MTUS2: variants seen among roughly 807,000 people sequenced by gnomAD.
The protein encoded by MTUS2 is microtubule-associated tumor suppressor candidate 2.
MTUS2 carries 40 observed loss-of-function variants against 114.1 expected under a neutral mutation model. The observed-to-expected ratio is 0.35, with a 90% CI of 0.27 to 0.46. The LOEUF (loss-of-function observed/expected upper bound fraction) is 0.46. Among genes scored for constraint, MTUS2 ranks in the 20% least tolerant of loss-of-function variants. The pLI is 1.00. For missense variants in MTUS2, 1,679 were observed against 1,705.4 expected, an observed-to-expected ratio of 0.98 and a Z score of 0.27; for synonymous variants, 688 against 672.0, an observed-to-expected ratio of 1.02 and a Z score of -0.37.
chr13:28,894,141 C>A (rs898897884), intron 2 of MTUS2, among the ~76,000 whole-genome samples: 2 of 151,454 alleles, frequency 1.3e-5, no homozygotes, highest in Admixed American at 6.6e-5. Flanking sequence ...CCCTACAATT[C>A]ATATATTGAA....
chr13:29,342,918 A>C (rs112123907), intron 7 of MTUS2, among the ~76,000 whole-genome samples: 1 of 152,046 alleles, frequency 6.6e-6, no homozygotes, highest in Non-Finnish European at 1.5e-5. Context: ...TGAGATGATC[A>C]TGTTATTTTT....
intron 5 of MTUS2, among the ~76,000 whole-genome samples, chr13:29,128,293 T>C (rs1339965178): frequency 1.3e-5 from 2 of 151,900 alleles, no homozygotes; most frequent in Non-Finnish European, 2.9e-5. Flanking sequence ...GAGGAGTGAG[T>C]TGGATTTATG....
intron 8 of MTUS2, among the ~76,000 whole-genome samples, chr13:29,362,745 T>A (rs1870372049): frequency 6.6e-6 from 1 of 152,246 alleles, no homozygotes; most frequent in Non-Finnish European, 1.5e-5. Flanking sequence ...CTTCAGTTGC[T>A]GCTATATATT....
At position 29,386,504 on chromosome 13, in the gene MTUS2, A is replaced by G. The variant is rs561402938; in HGVS notation, c.3117+27031A>G. 2.6e-5 allele frequency among the ~76,000 whole-genome samples: 4 copies of G among 152,284 alleles called. No homozygotes were observed. The East Asian group carries it at 7.7e-4, about 29-fold the overall frequency. On this transcript the variant is annotated intron_variant, in intron 8 of 15. Transcript: ENST00000612955. ...GATAACAAGGGCAGGGGCGATTCTC[A>G]CTAAAATGAGTTAGCCAGATTCTTG...
intron 5 of MTUS2, among the ~76,000 whole-genome samples, chr13:29,277,783 G>A (rs138100406): frequency 2.2e-3 from 338 of 152,196 alleles, no homozygotes; most frequent in African/African-American, 7.8e-3. Flanking sequence ...TCCTGTGAAC[G>A]GTTCACTTTC....
chr13:29,291,273 C>T (rs565162959), intron 6 of MTUS2, among the ~76,000 whole-genome samples: 53 of 152,266 alleles, frequency 3.5e-4, no homozygotes, highest in African/African-American at 1.2e-3. Context: ...CTCCAGGGCC[C>T]ACAGTGAGGG....
chr13:29,357,478 C>A (rs1399309630), intron 7 of MTUS2, among the ~76,000 whole-genome samples: 2 of 152,190 alleles, frequency 1.3e-5, no homozygotes, highest in African/African-American at 4.8e-5. Flanking sequence ...TTTATAAAAT[C>A]ACGAGCCACA....
intron 4 of MTUS2, among the ~76,000 whole-genome samples, chr13:29,067,222 A>G (rs568460315): frequency 6.6e-6 from 1 of 152,276 alleles, no homozygotes; most frequent in Non-Finnish European, 1.5e-5. Context: ...AAGCCATGGG[A>G]ATAGATGAGC....
chr13:28,994,407 A>G (rs989188454), intron 2 of MTUS2, among the ~76,000 whole-genome samples: 6 of 152,118 alleles, frequency 3.9e-5, no homozygotes, highest in Admixed American at 6.5e-5. Flanking sequence ...AATCCTTTGG[A>G]TATATACCCA....
intron 4 of MTUS2, among the ~76,000 whole-genome samples, chr13:29,057,193 T>G (rs1242379615): frequency 2.0e-5 from 3 of 152,124 alleles, no homozygotes; most frequent in African/African-American, 7.2e-5. Flanking sequence ...TTTAAAAATT[T>G]GCTGAAGATT....
rs541622415 is a variant in MTUS2 at position 29,126,882 on chromosome 13, T to C, written c.2644+25912T>C. On this transcript the variant is annotated intron_variant, in intron 5 of 15. Transcript: ENST00000612955. ...TCTCATCAGCACATGTGGTTAATGG[T>C]ACCCATATCACAGGGCGATTGTGAG... Among the ~76,000 whole-genome samples the C allele has an allele frequency of 7.2e-5, 11 of 152,340 alleles. No homozygotes were observed. The South Asian group carries it at 2.3e-3, about 32-fold the overall frequency.
At chr13:29,066,098 T>C (rs574959266) in intron 4 of MTUS2, among the ~76,000 whole-genome samples, 2 of 152,310 alleles carry the variant, frequency 1.3e-5, no homozygotes, top group East Asian at 3.9e-4. Flanking sequence ...TTCTAGAATG[T>C]ACTTCAACTC....
At chr13:28,964,378 G>C (rs142669657) in intron 2 of MTUS2, among the ~76,000 whole-genome samples, 1 of 152,126 alleles carries the variant, frequency 6.6e-6, no homozygotes, top group Non-Finnish European at 1.5e-5. Flanking sequence ...TTTATTCTGT[G>C]ATTAAGAGAA....
chr13:29,428,752 C>A (rs573263736), intron 8 of MTUS2: 2 of 1,591,782 alleles, frequency 1.3e-6, no homozygotes, highest in Admixed American at 1.7e-5. Context: ...CCCAGCGGCG[C>A]GCCCCTTTCG....
intron 8 of MTUS2, among the ~76,000 whole-genome samples, chr13:29,389,346 TGTGTGTATATATGTATGCAC>T (rs1264289675): frequency 4.5e-5 from 1 of 21,988 alleles, no homozygotes; most frequent in Non-Finnish European, 9.7e-5. Flanking sequence ...TGTATGCACG[TGTGTGTATATATGTATGCAC>T]GTGTGTGTAT....
intron 9 of MTUS2, among the ~76,000 whole-genome samples, chr13:29,460,406 A>G (rs757027763): frequency 1.3e-5 from 2 of 152,052 alleles, no homozygotes; most frequent in Non-Finnish European, 2.9e-5. Context: ...TCCCAGAGAC[A>G]CTGTCCTAAA....
At chr13:29,474,745 C>T (rs1880567898) in intron 9 of MTUS2, among the ~76,000 whole-genome samples, 1 of 152,118 alleles carries the variant, frequency 6.6e-6, no homozygotes, top group Non-Finnish European at 1.5e-5. Flanking sequence ...TACTAGTTCC[C>T]TAAGGCAAAT....
At chr13:29,386,029 A>G (rs1872607868) in intron 8 of MTUS2, among the ~76,000 whole-genome samples, 1 of 152,238 alleles carries the variant, frequency 6.6e-6, no homozygotes, top group African/African-American at 2.4e-5. Flanking sequence ...TTACCTACAC[A>G]GAATGCTCTG....
rs186550772 is a variant in MTUS2, at chr13:29,352,627, G to A, written c.2906-6635G>A. ...AATCATATGCTTTGAGGCTGTTTGT[G>A]TCTGTTTCTTTCATTTAGTATAATG... On this transcript the variant is annotated intron_variant, in intron 7 of 15. Coordinates refer to ENST00000612955, the MANE Select transcript of MTUS2 (RefSeq NM_001033602.4). Among the ~76,000 whole-genome samples the A allele has an allele frequency of 9.1e-4, 139 of 152,252 alleles. 1 individual carries two copies. The highest frequency in any genetic ancestry group is 6.8e-3 in the Middle Eastern group (2 of 294).
Sources: allele counts gnomAD v4.1 joint callset (sites outside exome capture counted in the v4.1 genomes callset), GRCh38; gene constraint gnomAD v4.1.1; transcripts MANE v1.5; gene names NCBI Gene and HGNC (gene_info 2026-07-23, HGNC 2026-07-21).